PABPN1: variants seen among roughly 807,000 people sequenced by gnomAD.
The protein encoded by PABPN1 is polyadenylate-binding protein 2.
PABPN1 carries 5 observed loss-of-function variants against 33.4 expected under a neutral mutation model. That is an observed-to-expected ratio of 0.15 (90% CI 0.08 to 0.32). PABPN1 has a LOEUF of 0.32. PABPN1 is among the 10% of genes least tolerant of loss of function. PABPN1 has a pLI of 1.00. For synonymous variants in PABPN1, 176 were observed against 170.6 expected, an observed-to-expected ratio of 1.03 and a Z score of -0.25; for missense variants, 312 against 425.8, an observed-to-expected ratio of 0.73 and a Z score of 2.35.
intron 5 of PABPN1, 35 bp from the exon 6 acceptor site, chr14:23,324,103 C>G (rs779056612): frequency 6.2e-7 from 1 of 1,614,162 alleles, no homozygotes; most frequent in South Asian, 1.1e-5. Flanking sequence ...CTCCAGGTTG[C>G]CTTTAAGGCT....
chr14:23,324,025 G>A lies in PABPN1; in HGVS notation c.702G>A (p.Glu234=), dbSNP rs1459724045. 1 of 1,614,124 alleles carries A rather than the reference G, an allele frequency of 6.2e-7. No homozygotes were observed. Among genetic ancestry groups the A allele is most frequent in the Non-Finnish European group, 8.5e-7 (1 of 1,180,012 alleles). The part of the protein sequence containing the change: ...ESVRTSLALD[E]SLFRGRQIKV... ...TGAGGACTTCCTTGGCCTTAGATGA[G>A]TCCCTATTTAGAGGAAGGCAAATCA... Residue 234 remains glutamate (E), a synonymous_variant, in exon 5 of 7, where the codon GAG becomes GAA. Transcript: ENST00000216727.
chr14:23,323,293 G>C (rs1014226955), intron 3 of PABPN1, 84 bp from the exon 4 acceptor site: 21 of 1,437,330 alleles, frequency 1.5e-5, no homozygotes, highest in Admixed American at 1.7e-5. Context: ...TTTGGTGTAT[G>C]ATGGCCCAGA....
Position 23,324,419 on chromosome 14 carries a change from G to T in PABPN1, c.881+130G>T, listed in dbSNP as rs550626786. 3.1e-6 allele frequency: 4 copies of T among 1,306,268 alleles called. No homozygotes were observed. The African/African-American group carries it at 4.6e-5, about 15-fold the overall frequency. The allele number at this position is 1,306,268 out of a possible 1,614,324, so 80.9% of individuals were successfully genotyped here. ...TCTTCAGGAACTTTGTCTCCTGCCT[G>T]TGCAGGTTGAGGAAGGTAGTTGCAG... On this transcript the variant is annotated intron_variant, in intron 6 of 6. Transcript: ENST00000216727.
In PABPN1 at chr14:23,323,075, T is replaced by G; in HGVS notation, c.534+9T>G. On this transcript the variant is annotated intron_variant, in intron 3 of 6. Transcript: ENST00000216727. ...CCATCTATGTTGGCAATGTACGTAC[T>G]GGGGCTCTGACTGGGGTTGGGGGCA... The G allele has an allele frequency of 6.2e-7, 1 of 1,614,124 alleles. No individual in the cohort carries two copies. The highest frequency in any genetic ancestry group is 8.5e-7 in the Non-Finnish European group (1 of 1,179,984).
At chr14:23,323,534 G>A in intron 4 of PABPN1, 51 bp downstream of exon 4, 1 of 1,512,486 alleles carries the variant, frequency 6.6e-7, no homozygotes, top group South Asian at 1.1e-5. Context: ...TGTACAAATA[G>A]ATAAATTATG....
chr14:23,324,723 A>C (rs1377705325), intron 6 of PABPN1: 1 of 294,064 alleles, frequency 3.4e-6, no homozygotes, highest in Non-Finnish European at 6.5e-6. Flanking sequence ...GATCCTCCCC[A>C]ACAGCCTTGT....
At chr14:23,324,316 T>TC (rs774773071) in intron 6 of PABPN1, 27 bp downstream of exon 6, 7 of 1,607,208 alleles carry the variant, frequency 4.4e-6, no homozygotes, top group Non-Finnish European at 5.1e-6. Flanking sequence ...TGCTCCTCTT[T>TC]CCCCCGCCTC....
In PABPN1 at chr14:23,321,586, C is replaced by T; in HGVS notation, c.117C>T (p.Ala39=). 6.9e-7 allele frequency: 1 copy of T among 1,451,716 alleles called. No homozygotes were observed. Among genetic ancestry groups the T allele is most frequent in the Non-Finnish European group, 9.2e-7 (1 of 1,091,938 alleles). 89.9% of individuals were successfully genotyped at this position (1,451,716 alleles called of 1,614,324 possible). ...CCGGTGGGGAGGCCGGGGAGGGGGC[C>T]CCGGGGGGCGCAGGGGACTACGGGA... ...PGAGGEAGEG[A]PGGAGDYGNG... is the part of the protein sequence containing the mutation. Residue 39 remains alanine, a synonymous_variant, in exon 1 of 7, where the codon GCC becomes GCT. Transcript: ENST00000216727.
intron 6 of PABPN1, 137 bp from the exon 7 acceptor site, chr14:23,325,110 G>A (rs1001122950): frequency 1.1e-5 from 13 of 1,140,072 alleles, no homozygotes; most frequent in African/African-American, 1.6e-5. Context: ...TGGGATCATG[G>A]GGTCAGTTTT....
chr14:23,322,984 A>T lies in PABPN1; in HGVS notation c.467-15A>T. On this transcript the variant is annotated splice_polypyrimidine_tract_variant and intron_variant, in intron 2 of 6. Coordinates refer to ENST00000216727, the MANE Select transcript of PABPN1 (RefSeq NM_004643.4). ...AAGTGTGTGGTTTTTGTAAAAAATTATTTTTTCCTGATAGCTGGCCCGGTG... is the reference window on the plus strand; with the variant it reads ...AAGTGTGTGGTTTTTGTAAAAAATTTTTTTTTCCTGATAGCTGGCCCGGTG... The T allele has an allele frequency of 1.9e-6, 3 of 1,614,018 alleles. No homozygotes were observed. The highest frequency in any genetic ancestry group is 2.5e-6 in the Non-Finnish European group (3 of 1,179,992).
Position 23,323,948 on chromosome 14 carries a change from A to G in PABPN1, c.642-17A>G, listed in dbSNP as rs765685899. 23 of 1,613,766 alleles carry G rather than the reference A, an allele frequency of 1.4e-5. No individual in the cohort carries two copies. The highest frequency in any genetic ancestry group is 2.2e-5 in the South Asian group (2 of 91,074). On this transcript the variant is annotated splice_polypyrimidine_tract_variant and intron_variant, in intron 4 of 6. Transcript: ENST00000216727. ...GTATTTGTAACCTCAGAGAGATACA[A>G]TGACAATTCTTTTCAGGTTTGCGTA...
At chr14:23,323,201 A>G in intron 3 of PABPN1, 135 bp downstream of exon 3, 1 of 1,339,312 alleles carries the variant, frequency 7.5e-7, no homozygotes, top group South Asian at 1.2e-5. Context: ...GGTTAAAGGT[A>G]ATGGAATGAT....
chr14:23,321,927 G>GGC, intron 1 of PABPN1, 107 bp downstream of exon 1: 1 of 458,118 alleles, frequency 2.2e-6, no homozygotes, highest in Non-Finnish European at 4.0e-6. Context: ...GTTGGGCGGG[G>GGC]AATAACGTGG....
At chr14:23,321,923 C>T (rs1012995342) in intron 1 of PABPN1, 103 bp downstream of exon 1, 2 of 275,678 alleles carry the variant, frequency 7.3e-6, no homozygotes, top group Non-Finnish European at 1.3e-5. Flanking sequence ...TGGGGTTGGG[C>T]GGGGAATAAC....
intron 1 of PABPN1, 78 bp from the exon 2 acceptor site, chr14:23,322,103 G>C (rs1030747573): frequency 1.7e-5 from 24 of 1,453,696 alleles, no homozygotes; most frequent in Non-Finnish European, 2.3e-5. Flanking sequence ...CTGAGGCCGC[G>C]CTCTGGCCGA....
chr14:23,322,202 C>G lies in PABPN1; in HGVS notation c.373C>G (p.Arg125Gly). Reference sequence around the variant, plus strand: ...TTAGGAGCTGGAAGCTATCAAAGCTCGAGTCAGGGAGATGGAGGAAGAAGC... The same window carrying G: ...TTAGGAGCTGGAAGCTATCAAAGCTGGAGTCAGGGAGATGGAGGAAGAAGC... ...EDPELEAIKA[R>G]VREMEEEAEK... The change falls in exon 2 of 7, where the codon CGA becomes GGA. Residue 125 changes from arginine (R) to glycine (G), a missense_variant. By Grantham distance (125) the Arg-to-Gly change is moderately radical (BLOSUM62 -2). Around this residue, in one of 3 missense-constraint regions of PABPN1, gnomAD observed 77 missense variants for 185.7 expected, o/e 0.41. Coordinates refer to ENST00000216727, the MANE Select transcript of PABPN1 (RefSeq NM_004643.4). 1 of 1,609,670 alleles carries G rather than the reference C, an allele frequency of 6.2e-7. No homozygotes were observed. The highest frequency in any genetic ancestry group is 1.1e-5 in the South Asian group (1 of 89,830).
chr14:23,322,844 A>G lies in PABPN1; in HGVS notation c.467-155A>G, dbSNP rs550785621. 17 of 835,138 alleles carry G rather than the reference A, an allele frequency of 2.0e-5. No individual in the cohort carries two copies. In the South Asian group the frequency reaches 2.3e-4, roughly 11 times the overall value. The allele number at this position is 835,138 out of a possible 1,614,324, so 51.7% of individuals were successfully genotyped here. On this transcript the variant is annotated intron_variant, in intron 2 of 6. Transcript: ENST00000216727. ...AGTGAGTACCTGCTATGCACTAGGC[A>G]CTATTCTCGGTTGTGGGTACAGCAG...
In PABPN1 at chr14:23,324,310, C is replaced by T. The variant is rs200285827; in HGVS notation, c.881+21C>T. 23 of 1,608,854 alleles carry T rather than the reference C, an allele frequency of 1.4e-5. No homozygotes were observed. In the East Asian group the frequency reaches 4.2e-4, roughly 30 times the overall value. On this transcript the variant is annotated intron_variant, in intron 6 of 6. Coordinates refer to ENST00000216727, the MANE Select transcript of PABPN1 (RefSeq NM_004643.4). ...TACAGGTCAGGATAGATGGGCTGCT[C>T]CTCTTTCCCCCGCCTCCCGTGAGCC...
chr14:23,321,500 G>C lies in PABPN1; in HGVS notation c.31G>C (p.Ala11Pro), dbSNP rs1045060319. MAAAAAAAAA[A>P]GAAGGRGSGP... ...GGCGGCGGCGGCGGCGGCAGCAGCAGCGGGGGCTGCGGGCGGTCGGGGCTC... is the reference window on the plus strand; with the variant it reads ...GGCGGCGGCGGCGGCGGCAGCAGCACCGGGGGCTGCGGGCGGTCGGGGCTC... The change falls in exon 1 of 7, where the codon GCG (alanine) becomes CCG (proline). Residue 11 changes from alanine to proline, a missense_variant. This residue lies in a region of PABPN1 where 167 missense variants were observed against 168.9 expected (regional missense o/e 0.99). Transcript: ENST00000216727. 56 of 1,221,666 alleles carry C rather than the reference G, an allele frequency of 4.6e-5. No homozygotes were observed. The highest frequency in any genetic ancestry group is 8.8e-5 in the Admixed American group (2 of 22,802). The allele number at this position is 1,221,666 out of a possible 1,614,324, so 75.7% of individuals were successfully genotyped here.
Sources: gnomAD v4.1 joint callset for allele counts on GRCh38, gnomAD v4.1.1 for gene constraint, gnomAD v4.1.1 regional missense constraint, MANE v1.5 for transcripts, NCBI Gene and HGNC (gene_info 2026-07-23, HGNC 2026-07-21) for gene names.